Variants in KMT2C observed in about 807,000 individuals in gnomAD.
KMT2C encodes histone-lysine N-methyltransferase 2C.
In KMT2C, 88 loss-of-function variants were observed where a neutral mutation model predicts 507.9. The observed-to-expected ratio is 0.17, with a 90% CI of 0.15 to 0.21. The LOEUF (loss-of-function observed/expected upper bound fraction) is 0.21. KMT2C is among the 10% of genes least tolerant of loss of function. The pLI is 1.00. For synonymous variants in KMT2C, 2,049 were observed against 2,080.8 expected, an observed-to-expected ratio of 0.98 and a Z score of 0.42; for missense variants, 4,954 against 5,957.8, an observed-to-expected ratio of 0.83 and a Z score of 5.55.
chr7:152,284,427 T>C (rs1365607182), intron 6 of KMT2C, among the ~76,000 whole-genome samples: 1 of 152,148 alleles, frequency 6.6e-6, no homozygotes, highest in African/African-American at 2.4e-5. Context: ...ATGAATCTTA[T>C]CTCAAATTCT....
Position 152,177,649 on chromosome 7 carries a change from G to T in KMT2C, c.7804C>A (p.Pro2602Thr), listed in dbSNP as rs1030206013. The T allele has an allele frequency of 3.1e-6, 5 of 1,614,100 alleles. No homozygotes were observed. Among genetic ancestry groups the T allele is most frequent in the Admixed American group, 3.3e-5 (2 of 60,014 alleles). Reference sequence around the variant, plus strand: ...CGTCGCATGGGGTCTGTGTGTCTAGGGCCCGGAAAGTCTGGCCGGGGAATG... The same window carrying T: ...CGTCGCATGGGGTCTGTGTGTCTAGTGCCCGGAAAGTCTGGCCGGGGAATG... ...NFIPRPDFPG[P>T]RHTDPMRRPP... is the part of the protein sequence containing the mutation. Residue 2602 changes from proline to threonine, a missense_variant, in exon 38 of 59, where the codon CCT becomes ACT. Physicochemically the swap from Pro to Thr is conservative, Grantham distance 38 (BLOSUM62 -1). Around this residue, in one of 29 missense-constraint regions of KMT2C, gnomAD observed 1,689 missense variants for 1,654.3 expected, o/e 1.02. Transcript: ENST00000262189.
At chr7:152,319,667 C>T (rs899398193) in intron 3 of KMT2C, among the ~76,000 whole-genome samples, 13 of 152,128 alleles carry the variant, frequency 8.5e-5, no homozygotes, top group African/African-American at 3.1e-4. Context: ...GAGGCCTAAC[C>T]GTCTGCCTGT....
At chr7:152,387,914 A>G (rs1228980198) in intron 1 of KMT2C, among the ~76,000 whole-genome samples, 4 of 151,620 alleles carry the variant, frequency 2.6e-5, no homozygotes, top group Non-Finnish European at 4.4e-5. Flanking sequence ...GTAAAACTGA[A>G]CTTGTGATGT....
At position 152,144,856 on chromosome 7, in the gene KMT2C, T is replaced by C. The variant is rs1221863211; in HGVS notation, c.14200A>G (p.Thr4734Ala). 6.2e-7 allele frequency: 1 copy of C among 1,613,750 alleles called. No individual in the cohort carries two copies. Among genetic ancestry groups the C allele is most frequent in the Non-Finnish European group, 8.5e-7 (1 of 1,179,800 alleles). ...ACTGTGCTCTGAAATGACTTTGAGG[T>C]GCTGGTGCTGTTTAAGGTGTGAGGC... ...LRPHTLNSTS[T>A]SKSFQSTVTG... Residue 4734 changes from threonine (T) to alanine (A), a missense_variant, in exon 55 of 59, where the codon ACC (threonine) becomes GCC (alanine). By Grantham distance (58) the Thr-to-Ala change is moderately conservative (BLOSUM62 0). Transcript: ENST00000262189. The surrounding 1 kb of genome is among the most constrained non-coding windows in gnomAD (Gnocchi z 4.4).
At chr7:152,153,050 T>C (rs2129097951) in intron 48 of KMT2C, 96 bp from the exon 49 acceptor site, 1 of 1,410,674 alleles carries the variant, frequency 7.1e-7, no homozygotes, top group Non-Finnish European at 9.6e-7. Flanking sequence ...CTTTGCATGA[T>C]ACATAGATTC....
At chr7:152,374,594 T>C (rs545744951) in intron 1 of KMT2C, among the ~76,000 whole-genome samples, 3 of 152,034 alleles carry the variant, frequency 2.0e-5, no homozygotes, top group Middle Eastern at 6.8e-3. Context: ...TCGACACTAG[T>C]AGGAGTGTAA....
intron 2 of KMT2C, among the ~76,000 whole-genome samples, chr7:152,347,506 T>C (rs1375971958): frequency 6.6e-6 from 1 of 152,210 alleles, no homozygotes; most frequent in South Asian, 2.1e-4. Context: ...GGTGTTTTAA[T>C]CAGATATTTG....
intron 27 of KMT2C, among the ~76,000 whole-genome samples, chr7:152,197,508 C>A (rs188084087): frequency 6.6e-6 from 1 of 151,980 alleles, no homozygotes; most frequent in Admixed American, 6.5e-5. Flanking sequence ...TTAAGTTTTG[C>A]GTGCCCAAAT....
At chr7:152,219,143 T>C (rs1287901638) in intron 23 of KMT2C, among the ~76,000 whole-genome samples, 4 of 152,116 alleles carry the variant, frequency 2.6e-5, no homozygotes, top group African/African-American at 7.2e-5. Flanking sequence ...CTAATTTTTG[T>C]ATTTTTAGCA....
intron 12 of KMT2C, 109 bp downstream of exon 12, chr7:152,250,740 TCTTC>T: frequency 1.6e-6 from 1 of 607,236 alleles, no homozygotes; most frequent in Non-Finnish European, 2.9e-6. Context: ...ACTAAAAAAC[TCTTC>T]CTAAGTGACT....
intron 6 of KMT2C, among the ~76,000 whole-genome samples, chr7:152,290,240 G>GTGTGTA (rs1554617092): frequency 4.6e-4 from 46 of 100,832 alleles, no homozygotes; most frequent in African/African-American, 2.1e-3. Flanking sequence ...GTGTGTGTGT[G>GTGTGTA]TGTGTGTGTG....
intron 6 of KMT2C, among the ~76,000 whole-genome samples, chr7:152,286,193 T>C (rs927097398): frequency 6.6e-6 from 1 of 152,306 alleles, no homozygotes; most frequent in Non-Finnish European, 1.5e-5. Context: ...TATACTAACA[T>C]TCATGTAATT....
At chr7:152,356,350 G>A (rs1257153231) in intron 2 of KMT2C, among the ~76,000 whole-genome samples, 2 of 152,058 alleles carry the variant, frequency 1.3e-5, no homozygotes, top group East Asian at 1.9e-4. Flanking sequence ...CAAGGTGGGC[G>A]GATCACGTGA....
Position 152,163,725 on chromosome 7 carries a change from G to C in KMT2C, c.9852C>G (p.Val3284=). ...CTGGAATTAGGGGTGGCTGGGGCTG[G>C]ACACTGGGCATCATGGTAGGTGGGG... The part of the protein sequence containing the change: ...AMAPPTMMPS[V]QPQPPLIPGA... The change falls in exon 43 of 59, where the codon GTC becomes GTG. Residue 3284 remains valine (V), a synonymous_variant. Transcript: ENST00000262189. 1 of 1,614,210 alleles carries C rather than the reference G, an allele frequency of 6.2e-7. No individual in the cohort carries two copies. The highest frequency in any genetic ancestry group is 8.5e-7 in the Non-Finnish European group (1 of 1,180,044).
intron 23 of KMT2C, among the ~76,000 whole-genome samples, chr7:152,218,117 C>A (rs1365040304): frequency 6.6e-6 from 1 of 152,292 alleles, no homozygotes; most frequent in Admixed American, 6.5e-5. Context: ...ACCCAAAACA[C>A]ACTACAAAAC....
chr7:152,230,132 T>C, intron 17 of KMT2C, 88 bp downstream of exon 17: 1 of 1,021,804 alleles, frequency 9.8e-7, no homozygotes, highest in Non-Finnish European at 1.5e-6. Context: ...TATAGCTAAA[T>C]ATTGAATGAC....
rs370922370 is a variant in KMT2C, at chr7:152,182,298, A to T, written c.5562T>A (p.Pro1854=). Residue 1854 remains proline (P), a synonymous_variant, in exon 36 of 59, where the codon CCT becomes CCA. Transcript: ENST00000262189. ...GAATCCGGGATGGGGCTGGAGGAGG[A>T]GGTGGAGCTTGTGGCTTTACAAACA... ...DDVFVKPQAP[P]PPPAPSRIPI... 8.7e-6 allele frequency: 14 copies of T among 1,613,994 alleles called. No homozygotes were observed. The highest frequency in any genetic ancestry group is 6.6e-5 in the South Asian group (6 of 91,076).
intron 1 of KMT2C, among the ~76,000 whole-genome samples, chr7:152,418,372 T>G (rs1292554406): frequency 1.3e-5 from 2 of 152,012 alleles, no homozygotes; most frequent in Non-Finnish European, 2.9e-5. Context: ...GGCAGTAGGG[T>G]GAGAAGAGGA....
chr7:152,290,288 AT>A (rs2096401496), intron 6 of KMT2C, among the ~76,000 whole-genome samples: 1 of 31,972 alleles, frequency 3.1e-5, no homozygotes, highest in Non-Finnish European at 5.3e-5. Context: ...ATATATATAT[AT>A]ATATATTTTT....
Sources: allele counts gnomAD v4.1 joint callset (sites outside exome capture counted in the v4.1 genomes callset), GRCh38; gene constraint gnomAD v4.1.1; regional missense constraint gnomAD v4.1.1; non-coding constraint Gnocchi (gnomAD v3.1); transcripts MANE v1.5; gene names NCBI Gene and HGNC (gene_info 2026-07-23, HGNC 2026-07-21).